Variants in ALDH3B2 observed in about 807,000 individuals in gnomAD.
The protein encoded by ALDH3B2 is aldehyde dehydrogenase family 3 member B2.
ALDH3B2 carries 45 observed loss-of-function variants against 36.7 expected under a neutral mutation model. That is an observed-to-expected ratio of 1.23 (90% CI 0.97 to 1.57). ALDH3B2 has a LOEUF of 1.57. Among genes scored for constraint, ALDH3B2 ranks in the 40% most tolerant of loss-of-function variants. The probability of loss-of-function intolerance (pLI) is 0.00; values close to 1 mark genes in which losing one functional copy is unlikely to be tolerated. For missense variants in ALDH3B2, 464 were observed against 513.3 expected (o/e 0.90, Z 0.93); for synonymous variants, 217 against 226.5 (o/e 0.96, Z 0.38).
intron 2 of ALDH3B2, 54 bp from the exon 3 acceptor site, chr11:67,667,070 G>A: frequency 1.8e-6 from 2 of 1,083,408 alleles, no homozygotes; most frequent in Non-Finnish European, 2.8e-6. Flanking sequence ...GCCAGGAGGG[G>A]TCTAGAATTT....
chr11:67,680,828 T>G (rs1487083109), intron 1 of ALDH3B2, among the ~76,000 whole-genome samples: 1 of 152,208 alleles, frequency 6.6e-6, no homozygotes, highest in Non-Finnish European at 1.5e-5. Flanking sequence ...GGCACCCCAC[T>G]GGGCCCAATT....
intron 2 of ALDH3B2, 26 bp downstream of exon 2, chr11:67,667,447 G>GC (rs1855951745): frequency 5.5e-6 from 2 of 366,452 alleles, no homozygotes; most frequent in African/African-American, 2.1e-5. Context: ...TCCAGCCCCT[G>GC]CCGGGGCCCA....
chr11:67,672,365 G>C (rs1856152206), intron 1 of ALDH3B2, among the ~76,000 whole-genome samples: 7 of 151,236 alleles, frequency 4.6e-5, no homozygotes, highest in Admixed American at 4.6e-4. Flanking sequence ...ATGTTGGTCA[G>C]GCTGGTCTCA....
chr11:67,663,947 G>T (rs1299646886), intron 8 of ALDH3B2, among the ~76,000 whole-genome samples, 186 bp from the exon 9 acceptor site: 1 of 152,142 alleles, frequency 6.6e-6, no homozygotes, highest in Non-Finnish European at 1.5e-5. Context: ...GTGCCATGGG[G>T]GTGATTACCA....
intron 1 of ALDH3B2, among the ~76,000 whole-genome samples, chr11:67,670,236 A>G (rs1159789660): frequency 2.6e-5 from 2 of 77,650 alleles, no homozygotes; most frequent in African/African-American, 4.8e-5. Context: ...CTGTGTGTGT[A>G]TGGGTGTCTG....
intron 1 of ALDH3B2, 162 bp from the exon 2 acceptor site, chr11:67,667,797 G>A (rs935420372): frequency 2.2e-5 from 4 of 179,736 alleles, no homozygotes; most frequent in East Asian, 2.6e-4. Flanking sequence ...ATGACCCCAC[G>A]GGGCTGGGGC....
At chr11:67,674,413 C>A in intron 1 of ALDH3B2, 23 bp downstream of exon 1, 1 of 153,174 alleles carries the variant, frequency 6.5e-6, no homozygotes. Context: ...CTGCCCGCCC[C>A]TCACCCCTGT....
chr11:67,669,511 T>A (rs1370889575), intron 1 of ALDH3B2, among the ~76,000 whole-genome samples: 1 of 150,472 alleles, frequency 6.6e-6, no homozygotes, highest in Non-Finnish European at 1.5e-5. Context: ...TGTCTGCGTG[T>A]GTATGGGTGT....
upstream of ALDH3B2, among the ~76,000 whole-genome samples, chr11:67,679,521 T>C (rs2134164576): frequency 6.6e-6 from 1 of 151,694 alleles, no homozygotes; most frequent in South Asian, 2.1e-4. Context: ...GGCTCATGCC[T>C]GTAATCCCAG....
At chr11:67,669,454 GTATGGA>G (rs1856018834) in intron 1 of ALDH3B2, among the ~76,000 whole-genome samples, 1 of 126,616 alleles carries the variant, frequency 7.9e-6, no homozygotes, top group Non-Finnish European at 1.8e-5. Flanking sequence ...GTCTGTGTGT[GTATGGA>G]TGTCTGTGTG....
exon 10 of ALDH3B2, chr11:67,663,290 G>A: frequency 6.2e-7 from 1 of 1,614,186 alleles, no homozygotes; most frequent in South Asian, 1.1e-5. Flanking sequence ...AGGGTGGGTA[G>A]TGGATCTCCT....
intron 8 of ALDH3B2, 138 bp downstream of exon 8, chr11:67,664,258 G>T: frequency 7.4e-7 from 1 of 1,347,492 alleles, no homozygotes; most frequent in Non-Finnish European, 1.0e-6. Flanking sequence ...GGATGCAGTG[G>T]TACCAGGTGG....
At chr11:67,667,335 A>G in intron 2 of ALDH3B2, 138 bp downstream of exon 2, 1 of 383,614 alleles carries the variant, frequency 2.6e-6, no homozygotes, top group Non-Finnish European at 4.7e-6. Context: ...GCCACACTCC[A>G]CATGCCAGGG....
chr11:67,680,824 C>G (rs1399447192), intron 1 of ALDH3B2, among the ~76,000 whole-genome samples: 1 of 152,186 alleles, frequency 6.6e-6, no homozygotes, highest in African/African-American at 2.4e-5. Flanking sequence ...ATTTGGCACC[C>G]CACTGGGCCC....
At chr11:67,670,462 G>A (rs922609169) in intron 1 of ALDH3B2, among the ~76,000 whole-genome samples, 5 of 152,114 alleles carry the variant, frequency 3.3e-5, no homozygotes, top group Admixed American at 3.3e-4. Flanking sequence ...CATTGCTGAG[G>A]GCAGTGGGGG....
At chr11:67,677,602 A>G (rs1856294873), upstream of ALDH3B2, among the ~76,000 whole-genome samples, 1 of 152,156 alleles carries the variant, frequency 6.6e-6, no homozygotes, top group Non-Finnish European at 1.5e-5. Flanking sequence ...AGTCCTAGCC[A>G]GAGCAATCAG....
chr11:67,671,262 C>T (rs759296178), intron 1 of ALDH3B2: 2 of 152,392 alleles, frequency 1.3e-5, no homozygotes, highest in South Asian at 2.1e-4. Context: ...GGGCAGTCGT[C>T]GCCTGTCCTC....
chr11:67,664,230 G>A (rs1855832648), intron 8 of ALDH3B2, 166 bp downstream of exon 8: 1 of 1,133,228 alleles, frequency 8.8e-7, no homozygotes, highest in Admixed American at 2.1e-5. Flanking sequence ...TGTCCTCTCT[G>A]CCAGGCATCC....
exon 10 of ALDH3B2, chr11:67,663,068 G>T: frequency 9.9e-7 from 1 of 1,010,836 alleles, no homozygotes; most frequent in Non-Finnish European, 1.5e-6. Context: ...TGCAGCCCTG[G>T]CAGGCAGGAT....
Sources: gnomAD v4.1 joint callset for allele counts (sites outside exome capture counted in the v4.1 genomes callset) on GRCh38, gnomAD v4.1.1 for gene constraint, MANE v1.5 for transcripts, NCBI Gene and HGNC (gene_info 2026-07-23, HGNC 2026-07-21) for gene names.